NAALADL2: variants seen among roughly 807,000 people sequenced by gnomAD.
NAALADL2 encodes N-acetylated alpha-linked acidic dipeptidase like 2.
Under a neutral mutation model 87.2 loss-of-function variants are expected in NAALADL2, and 76 were observed. The ratio of observed to expected loss-of-function variants is 0.87; its 90% CI spans 0.72 to 1.05. The LOEUF is 1.05. NAALADL2 is among the 50% of genes least tolerant of loss of function. NAALADL2 has a pLI of 0.00. For missense variants in NAALADL2, 1,089 were observed against 945.8 expected, an observed-to-expected ratio of 1.15 and a Z score of -1.99; for synonymous variants, 354 against 331.0, an observed-to-expected ratio of 1.07 and a Z score of -0.75.
intron 2 of NAALADL2, among the ~76,000 whole-genome samples, chr3:174,733,269 G>A (rs1462828849): frequency 6.6e-6 from 1 of 152,114 alleles, no homozygotes; most frequent in Non-Finnish European, 1.5e-5. Context: ...TCTGCAACCT[G>A]AGGAAAAAAA....
chr3:175,540,610 A>AGTGG (rs1293908105), intron 9 of NAALADL2, among the ~76,000 whole-genome samples: 21 of 152,076 alleles, frequency 1.4e-4, no homozygotes, highest in Admixed American at 6.6e-5. Flanking sequence ...GACAGGAGGA[A>AGTGG]GGCCAGATAG....
rs192881934 is a variant in NAALADL2, at chr3:174,525,204, C to T, written c.-183-25365C>T. ...GATGTAGTTGTTTCAGATGAAAACT[C>T]GAGACAGTCTTCTAGAGAATTTGTC... is the stretch of plus-strand genomic sequence containing the variant. On this transcript the variant is annotated intron_variant, in intron 1 of 3. Transcript: ENST00000434257. Among the ~76,000 whole-genome samples, 706 of 152,258 alleles carry T rather than the reference C, an allele frequency of 4.6e-3. 5 individuals carry two copies. The highest frequency in any genetic ancestry group is 8.3e-3 in the Non-Finnish European group (563 of 68,016).
Position 175,712,102 on chromosome 3 carries a change from T to C in NAALADL2, c.1897-25204T>C, listed in dbSNP as rs573914553. 1.9e-4 allele frequency among the ~76,000 whole-genome samples: 29 copies of C among 152,054 alleles called. No homozygotes were observed. The South Asian group carries it at 5.8e-3, about 30-fold the overall frequency. ...GATATTATTTAAATTTATAGAGAAA[T>C]GCTGATAAATATTAAAATGTGTTAT... On this transcript the variant is annotated intron_variant, in intron 11 of 13. Transcript: ENST00000454872.
At chr3:174,562,747 A>T (rs6768273) in intron 2 of NAALADL2, among the ~76,000 whole-genome samples, 103 of 151,922 alleles carry the variant, frequency 6.8e-4, no homozygotes, top group Non-Finnish European at 1.1e-3. Context: ...GCATCTTGTG[A>T]TGCCAAACAA....
intron 1 of NAALADL2, among the ~76,000 whole-genome samples, chr3:175,075,299 G>T (rs1716393991): frequency 6.6e-6 from 1 of 152,018 alleles, no homozygotes; most frequent in Non-Finnish European, 1.5e-5. Context: ...TATACTTATT[G>T]TAAGATCTCT....
chr3:175,185,339 A>G (rs1330739610), intron 2 of NAALADL2, among the ~76,000 whole-genome samples: 2 of 152,070 alleles, frequency 1.3e-5, no homozygotes, highest in African/African-American at 4.8e-5. Context: ...GATGTATGCA[A>G]AATACTTTTA....
At chr3:175,390,211 C>T (rs1400454266) in intron 5 of NAALADL2, among the ~76,000 whole-genome samples, 1 of 152,032 alleles carries the variant, frequency 6.6e-6, no homozygotes, top group African/African-American at 2.4e-5. Flanking sequence ...TCCCCCACTC[C>T]CTCGCAAGGG....
At chr3:175,127,663 G>A (rs1250984070) in intron 2 of NAALADL2, among the ~76,000 whole-genome samples, 1 of 94,382 alleles carries the variant, frequency 1.1e-5, no homozygotes, top group African/African-American at 4.8e-5. Flanking sequence ...TATTTATGCT[G>A]ACTATACTTA....
chr3:175,132,108 C>T (rs1320834141), intron 2 of NAALADL2, among the ~76,000 whole-genome samples: 4 of 136,780 alleles, frequency 2.9e-5, no homozygotes, highest in Non-Finnish European at 6.3e-5. Context: ...ACCTCCCGCC[C>T]GGATGGGGCG....
intron 5 of NAALADL2, among the ~76,000 whole-genome samples, chr3:175,388,945 G>A (rs1042052487): frequency 1.3e-5 from 2 of 151,666 alleles, no homozygotes; most frequent in Non-Finnish European, 2.9e-5. Context: ...TTCTTTTATA[G>A]AAAAAAAATT....
intron 2 of NAALADL2, among the ~76,000 whole-genome samples, chr3:175,117,353 A>G (rs553618754): frequency 6.6e-6 from 1 of 152,276 alleles, no homozygotes; most frequent in East Asian, 1.9e-4. Context: ...AAATTTTTAC[A>G]ATCTACCCAT....
In NAALADL2 at chr3:175,196,105, C is replaced by T. The variant is rs559604575; in HGVS notation, c.546-37826C>T. Among the ~76,000 whole-genome samples the T allele has an allele frequency of 5.9e-5, 9 of 151,968 alleles. No individual in the cohort carries two copies. In the South Asian group the frequency reaches 1.0e-3, roughly 18 times the overall value. ...AGGTACTTCCTGACTTCACAGTCAA[C>T]GTGTTGATGGAAACAATTCAGAAAA... On this transcript the variant is annotated intron_variant, in intron 2 of 13. Coordinates refer to ENST00000454872, the MANE Select transcript of NAALADL2 (RefSeq NM_207015.3).
At chr3:174,669,717 T>C (rs1726339577) in intron 2 of NAALADL2, among the ~76,000 whole-genome samples, 1 of 152,112 alleles carries the variant, frequency 6.6e-6, no homozygotes, top group Non-Finnish European at 1.5e-5. Flanking sequence ...TTTCCGTTAT[T>C]TGGGGTCTCT....
chr3:175,340,095 G>T (rs939463625), intron 5 of NAALADL2, among the ~76,000 whole-genome samples: 1 of 152,020 alleles, frequency 6.6e-6, no homozygotes, highest in Non-Finnish European at 1.5e-5. Context: ...CCTGAGCCAA[G>T]AACTAAACAG....
At chr3:175,406,037 C>T (rs1283818942) in intron 5 of NAALADL2, among the ~76,000 whole-genome samples, 2 of 152,170 alleles carry the variant, frequency 1.3e-5, no homozygotes, top group East Asian at 1.9e-4. Context: ...AGACAAGGCG[C>T]TTACCCTCAT....
intron 11 of NAALADL2, among the ~76,000 whole-genome samples, chr3:175,677,243 G>A (rs1190171529): frequency 6.6e-6 from 1 of 151,962 alleles, no homozygotes; most frequent in Non-Finnish European, 1.5e-5. Flanking sequence ...TGCGCCTGTA[G>A]TCCCAGCTAC....
chr3:174,442,645 G>T (rs990925922), intron 1 of NAALADL2, among the ~76,000 whole-genome samples: 1 of 152,214 alleles, frequency 6.6e-6, no homozygotes, highest in African/African-American at 2.4e-5. Context: ...TGCGTGCCAA[G>T]CAGTGTTCTT....
At chr3:174,580,389 C>G (rs1716033443) in intron 2 of NAALADL2, among the ~76,000 whole-genome samples, 1 of 152,004 alleles carries the variant, frequency 6.6e-6, no homozygotes, top group Non-Finnish European at 1.5e-5. Context: ...ATCCTCTCAT[C>G]TTTTTATAAA....
rs184282490 is a variant in NAALADL2 at position 175,567,954 on chromosome 3, A to T, written c.1654-8087A>T. 7.9e-5 allele frequency among the ~76,000 whole-genome samples: 12 copies of T among 152,050 alleles called. No homozygotes were observed. In the East Asian group the frequency reaches 1.4e-3, roughly 17 times the overall value. On this transcript the variant is annotated intron_variant, in intron 9 of 13. Transcript: ENST00000454872. ...TGGTCTCGAACTCCTGGCTTCAAGT[A>T]ATCTGCCTGCCTTGGCCTCCCAAAG...
Sources: gnomAD v4.1 joint callset for allele counts (sites outside exome capture counted in the v4.1 genomes callset) on GRCh38, gnomAD v4.1.1 for gene constraint, MANE v1.5 for transcripts, NCBI Gene and HGNC (gene_info 2026-07-23, HGNC 2026-07-21) for gene names.